FGD3: variants seen among roughly 807,000 people sequenced by gnomAD.
FGD3 encodes the protein FYVE, RhoGEF and PH domain-containing protein 3.
In FGD3, 45 loss-of-function variants were observed where a neutral mutation model predicts 71.8. The ratio of observed to expected loss-of-function variants is 0.63; its 90% CI spans 0.49 to 0.80. FGD3 has a LOEUF of 0.80. Among genes scored for constraint, FGD3 ranks in the 30% least tolerant of loss-of-function variants. The pLI is 0.00. For missense variants in FGD3, 844 were observed against 951.5 expected (o/e 0.89, Z 1.49); for synonymous variants, 378 against 392.8 (o/e 0.96, Z 0.44).
intron 1 of FGD3, among the ~76,000 whole-genome samples, chr9:92,962,283 C>T (rs189215491): frequency 1.3e-5 from 2 of 152,346 alleles, no homozygotes; most frequent in Non-Finnish European, 2.9e-5. Flanking sequence ...CCTCTTAGGA[C>T]GACAGTTGTG....
At chr9:93,030,156 A>G (rs1862301947) in intron 15 of FGD3, among the ~76,000 whole-genome samples, 160 bp downstream of exon 15, 1 of 152,212 alleles carries the variant, frequency 6.6e-6, no homozygotes, top group African/African-American at 2.4e-5. Context: ...CTTGAGTGCA[A>G]AACTGTCCTG....
At chr9:93,033,196 C>T in intron 16 of FGD3, 1 of 413,872 alleles carries the variant, frequency 2.4e-6, no homozygotes, top group Non-Finnish European at 4.6e-6. Context: ...CCTTGAGGCC[C>T]ACCTGAGGGG....
intron 3 of FGD3, among the ~76,000 whole-genome samples, chr9:92,989,526 G>T (rs1860318934): frequency 1.3e-5 from 2 of 152,220 alleles, no homozygotes; most frequent in Non-Finnish European, 2.9e-5. Flanking sequence ...GTCATGCTTG[G>T]AAGAAATAAA....
chr9:92,981,894 T>C (rs1362262776), intron 3 of FGD3, among the ~76,000 whole-genome samples: 2 of 152,154 alleles, frequency 1.3e-5, no homozygotes, highest in Non-Finnish European at 2.9e-5. Flanking sequence ...CTGAGTTACA[T>C]AGTGATGTTT....
intron 3 of FGD3, among the ~76,000 whole-genome samples, chr9:92,988,681 TG>T (rs1345712886): frequency 6.6e-6 from 1 of 152,260 alleles, no homozygotes; most frequent in African/African-American, 2.4e-5. Flanking sequence ...ACAACCTTGA[TG>T]TTACCATAAA....
At chr9:93,027,720 T>C (rs1413307154) in intron 14 of FGD3, among the ~76,000 whole-genome samples, 3 of 75,228 alleles carry the variant, frequency 4.0e-5, no homozygotes, top group Non-Finnish European at 9.3e-5. Flanking sequence ...TCTTTCTTTT[T>C]TTTTTTTTTT....
chr9:93,014,612 A>G (rs1333828569), intron 9 of FGD3, among the ~76,000 whole-genome samples: 1 of 152,094 alleles, frequency 6.6e-6, no homozygotes, highest in Non-Finnish European at 1.5e-5. Flanking sequence ...TGTGACCACA[A>G]TCAAGTTACA....
At chr9:93,013,159 G>GC (rs1433763699) in intron 8 of FGD3, among the ~76,000 whole-genome samples, 1 of 152,156 alleles carries the variant, frequency 6.6e-6, no homozygotes, top group Non-Finnish European at 1.5e-5. Context: ...CTCCTCTGGT[G>GC]CCCCCCACAC....
intron 6 of FGD3, among the ~76,000 whole-genome samples, chr9:93,006,774 T>C (rs1342417710): frequency 2.6e-5 from 4 of 152,056 alleles, no homozygotes; most frequent in African/African-American, 9.7e-5. Flanking sequence ...TTGCCCAGGC[T>C]GGAGTGTAGT....
At chr9:92,980,449 A>G (rs1392304629) in intron 3 of FGD3, among the ~76,000 whole-genome samples, 1 of 152,056 alleles carries the variant, frequency 6.6e-6, no homozygotes, top group Admixed American at 6.5e-5. Context: ...ATGTATATAG[A>G]TATCTCTATA....
chr9:92,995,346 G>A (rs1860593640), intron 3 of FGD3, among the ~76,000 whole-genome samples: 1 of 152,210 alleles, frequency 6.6e-6, no homozygotes. Flanking sequence ...CTTTGGTGAA[G>A]TTGCTTATCA....
At chr9:93,001,701 T>A (rs376940465) in intron 3 of FGD3, among the ~76,000 whole-genome samples, 101 of 152,332 alleles carry the variant, frequency 6.6e-4, no homozygotes, top group African/African-American at 2.4e-3. Context: ...AGCTTTGATG[T>A]CTGGGCACTG....
At chr9:92,956,839 T>C (rs1386630535) in intron 1 of FGD3, among the ~76,000 whole-genome samples, 1 of 139,282 alleles carries the variant, frequency 7.2e-6, no homozygotes, top group African/African-American at 2.7e-5. Context: ...GCTTTCTTTC[T>C]TTTTTTTTTT....
At chr9:93,021,066 A>G (rs1861900074) in intron 13 of FGD3, among the ~76,000 whole-genome samples, 1 of 152,224 alleles carries the variant, frequency 6.6e-6, no homozygotes, top group South Asian at 2.1e-4. Flanking sequence ...TGACGTCCCC[A>G]GGCCATGGGT....
chr9:92,999,660 C>T (rs1860785399), intron 3 of FGD3, among the ~76,000 whole-genome samples: 2 of 147,164 alleles, frequency 1.4e-5, no homozygotes, highest in Admixed American at 6.9e-5. Context: ...GTGGCACAAT[C>T]TCAGCTCGCT....
At position 93,035,889 on chromosome 9, in the gene FGD3, C is replaced by T. The variant is rs111933364; in HGVS notation, c.*300C>T. ...TATGGGCCGTGTGGTGATGCTGGCC[C>T]GGAAGGCAGAAAGAGGCAGCATGGG... On this transcript the variant is annotated 3_prime_UTR_variant, in exon 18 of 18. Coordinates refer to ENST00000375482, the MANE Select transcript of FGD3 (RefSeq NM_001083536.2). The T allele has an allele frequency of 1.0e-4, 36 of 359,152 alleles. No individual in the cohort carries two copies. The Middle Eastern group carries it at 3.7e-3, about 37-fold the overall frequency. The allele number at this position is 359,152 out of a possible 1,614,324, so 22.2% of individuals were successfully genotyped here.
rs186835495 is a variant in FGD3 at position 92,980,471 on chromosome 9, T to C, written c.453+3762T>C. Among the ~76,000 whole-genome samples the C allele has an allele frequency of 4.7e-4, 71 of 152,316 alleles. 2 individuals carry two copies. The highest frequency in any genetic ancestry group is 2.6e-4 in the Non-Finnish European group (18 of 68,036). On this transcript the variant is annotated intron_variant, in intron 3 of 17. Transcript: ENST00000375482. The stretch of plus-strand genomic sequence containing the variant: ...TAGATATCTCTATAGGTCTGATCTT[T>C]ATTACTTCCTTCCTCCTGCTAGCTT...
chr9:93,003,696 A>C lies in FGD3; in HGVS notation c.544-305A>C, dbSNP rs1323537523. ...CTGCTGTTTTTATCTCACGAGAAAG[A>C]AAAGGAAGTCTGAACCTTCCATTTC... is the stretch of plus-strand genomic sequence containing the variant. On this transcript the variant is annotated intron_variant, in intron 4 of 17. Coordinates refer to ENST00000375482, the MANE Select transcript of FGD3 (RefSeq NM_001083536.2). The surrounding 1 kb of genome is among the most constrained non-coding windows in gnomAD (Gnocchi z 4.1). Among the ~76,000 whole-genome samples, 1 of 152,206 alleles carries C rather than the reference A, an allele frequency of 6.6e-6. No individual in the cohort carries two copies. Among genetic ancestry groups the C allele is most frequent in the Non-Finnish European group, 1.5e-5 (1 of 68,036 alleles).
Position 92,960,032 on chromosome 9 carries a change from A to G in FGD3, c.-218+12303A>G, listed in dbSNP as rs1189344027. ...CACGTCCCCGAGTCCCTGTGTTCCC[A>G]TGTCTCCATATCCCCATGTCTCCAT... On this transcript the variant is annotated intron_variant, in intron 1 of 17. Transcript: ENST00000375482. 2.0e-5 allele frequency among the ~76,000 whole-genome samples: 3 copies of G among 151,274 alleles called. No individual in the cohort carries two copies. In the East Asian group the frequency reaches 5.8e-4, roughly 29 times the overall value.
Sources: gnomAD v4.1 joint callset for allele counts (sites outside exome capture counted in the v4.1 genomes callset) on GRCh38, gnomAD v4.1.1 for gene constraint, Gnocchi (gnomAD v3.1) non-coding constraint, MANE v1.5 for transcripts, NCBI Gene and HGNC (gene_info 2026-07-23, HGNC 2026-07-21) for gene names.